Variants in AK9 observed in about 807,000 individuals in gnomAD.
AK9 encodes the protein adenylate kinase domain containing 1.
AK9 carries 191 observed loss-of-function variants against 239.6 expected under a neutral mutation model. That is an observed-to-expected ratio of 0.80 (90% CI 0.71 to 0.90). The LOEUF is 0.90. AK9 is among the 40% of genes least tolerant of loss of function. The probability of loss-of-function intolerance (pLI) is 0.00; values close to 1 mark genes in which losing one functional copy is unlikely to be tolerated. For synonymous variants in AK9, 689 were observed against 721.0 expected, an observed-to-expected ratio of 0.96 and a Z score of 0.71; for missense variants, 1,995 against 2,214.7, an observed-to-expected ratio of 0.90 and a Z score of 1.99.
intron 17 of AK9, among the ~76,000 whole-genome samples, chr6:109,588,110 G>A (rs975931917): frequency 6.7e-6 from 1 of 149,046 alleles, no homozygotes; most frequent in Non-Finnish European, 1.5e-5. Context: ...TCGCTCTGTC[G>A]CCCAGGCTGG....
chr6:109,641,583 T>G lies in AK9; in HGVS notation c.868A>C (p.Lys290Gln). The G allele has an allele frequency of 6.2e-7, 1 of 1,613,638 alleles. No homozygotes were observed. The highest frequency in any genetic ancestry group is 8.5e-7 in the Non-Finnish European group (1 of 1,179,558). The change falls in exon 10 of 41, where the codon AAA (lysine) becomes CAA (glutamine). Residue 290 changes from lysine (K) to glutamine (Q), a missense_variant. Lys to Gln is a moderately conservative substitution (Grantham distance 53, BLOSUM62 1). This residue lies in a region of AK9 where 1,290 missense variants were observed against 1,392.7 expected (regional missense o/e 0.93). Transcript: ENST00000424296. Reference protein sequence around the residue: ...VMDRLKYLNLKRAAILTKLQG... With the variant: ...VMDRLKYLNLQRAAILTKLQG... ...AGTTTGGTTAGAATAGCTGCTCTTT[T>G]TAGGTTCAGATATTTAAGTCGATCC...
intron 24 of AK9, among the ~76,000 whole-genome samples, chr6:109,553,881 A>G (rs1157283296): frequency 2.0e-5 from 3 of 152,264 alleles, no homozygotes; most frequent in Non-Finnish European, 4.4e-5. Flanking sequence ...TTCCATCAAT[A>G]CCTAGTTTAT....
chr6:109,585,135 TCTTC>T lies in AK9; in HGVS notation c.2098_2101del (p.Glu700LysfsTer12). 8.5e-7 allele frequency: 1 copy of T among 1,170,224 alleles called. No individual in the cohort carries two copies. Among genetic ancestry groups the T allele is most frequent in the Non-Finnish European group, 1.1e-6 (1 of 915,174 alleles). The allele number at this position is 1,170,224 out of a possible 1,614,324, so 72.5% of individuals were successfully genotyped here. On this transcript the variant is annotated frameshift_variant, in exon 19 of 41. Coordinates refer to ENST00000424296, the MANE Select transcript of AK9 (RefSeq NM_001145128.3). LOFTEE classifies it high-confidence loss of function. ...AGGCAGATTTTACCTTGCTTCTTCTTCTTCTTTTTTTTTCTTTTGTAGTTCTTCT... is the reference window on the plus strand; with the variant it reads ...AGGCAGATTTTACCTTGCTTCTTCTTTTTTTTTTTCTTTTGTAGTTCTTCT...
intron 35 of AK9, among the ~76,000 whole-genome samples, chr6:109,505,262 C>G (rs780633594): frequency 2.6e-5 from 4 of 152,136 alleles, no homozygotes; most frequent in Non-Finnish European, 5.9e-5. Flanking sequence ...CACATTGCTC[C>G]CATAAACCTC....
At chr6:109,625,874 C>T (rs1203065534) in intron 12 of AK9, among the ~76,000 whole-genome samples, 1 of 151,350 alleles carries the variant, frequency 6.6e-6, no homozygotes, top group Non-Finnish European at 1.5e-5. Context: ...TTGGTTTTTG[C>T]TTGGTTTCTT....
At position 109,533,438 on chromosome 6, in the gene AK9, C is replaced by A; in HGVS notation, c.3383G>T (p.Arg1128Leu). Residue 1128 changes from arginine to leucine, a missense_variant, in exon 28 of 41, where the codon CGA (arginine) becomes CTA (leucine). Arg to Leu is a moderately radical substitution (Grantham distance 102, BLOSUM62 -2). Around this residue, in one of 5 missense-constraint regions of AK9, gnomAD observed 1,290 missense variants for 1,392.7 expected, o/e 0.93. Coordinates refer to ENST00000424296, the MANE Select transcript of AK9 (RefSeq NM_001145128.3). ...STGFILDGFP[R>L]YPEEAQFLGD... ...CAAAAACTGGGCCTCTTCTGGATAT[C>A]GTGGGAAACCATCTAATATAAAACC... is the stretch of plus-strand genomic sequence containing the variant. 6.2e-7 allele frequency: 1 copy of A among 1,602,222 alleles called. No homozygotes were observed. Among genetic ancestry groups the A allele is most frequent in the Non-Finnish European group, 8.5e-7 (1 of 1,176,282 alleles).
In AK9 at chr6:109,551,099, T is replaced by C. The variant is rs530993864; in HGVS notation, c.2752-797A>G. Among the ~76,000 whole-genome samples the C allele has an allele frequency of 5.3e-5, 8 of 152,264 alleles. No individual in the cohort carries two copies. The South Asian group carries it at 1.7e-3, about 32-fold the overall frequency. On this transcript the variant is annotated intron_variant, in intron 24 of 40. Coordinates refer to ENST00000424296, the MANE Select transcript of AK9 (RefSeq NM_001145128.3). ...AGTATTTTTAAAAATACAAAGGGAATACTTTACATACTTATTTACATCATA... is the reference window on the plus strand; with the variant it reads ...AGTATTTTTAAAAATACAAAGGGAACACTTTACATACTTATTTACATCATA...
intron 12 of AK9, among the ~76,000 whole-genome samples, chr6:109,625,417 T>C (rs909139435): frequency 6.6e-6 from 1 of 152,186 alleles, no homozygotes; most frequent in Non-Finnish European, 1.5e-5. Context: ...AATTTTTCTG[T>C]GACTGCTTTA....
intron 20 of AK9, chr6:109,579,294 G>C: frequency 2.7e-6 from 1 of 376,622 alleles, no homozygotes. Context: ...TGCAGAGGGT[G>C]TATGAGTAGG....
chr6:109,559,577 T>C (rs1000126214), intron 24 of AK9, among the ~76,000 whole-genome samples: 1 of 152,246 alleles, frequency 6.6e-6, no homozygotes, highest in Non-Finnish European at 1.5e-5. Flanking sequence ...TCCCTTCATA[T>C]TACATATTCT....
intron 8 of AK9, among the ~76,000 whole-genome samples, chr6:109,654,598 T>TA (rs1799432490): frequency 6.6e-6 from 1 of 152,176 alleles, no homozygotes; most frequent in Admixed American, 6.5e-5. Context: ...CCCAAAGAGC[T>TA]AGGATTACAG....
intron 13 of AK9, 143 bp downstream of exon 13, chr6:109,618,949 C>A (rs894481201): frequency 3.4e-5 from 30 of 886,290 alleles, no homozygotes; most frequent in Non-Finnish European, 4.9e-5. Context: ...TTATGTACAT[C>A]CATTCTTCAA....
chr6:109,679,770 T>C (rs1035845192), intron 1 of AK9, among the ~76,000 whole-genome samples: 1 of 152,132 alleles, frequency 6.6e-6, no homozygotes, highest in African/African-American at 2.4e-5. Flanking sequence ...CAGGCAGCAA[T>C]TTTTGCTGTT....
At chr6:109,656,909 A>G (rs1799769583) in intron 7 of AK9, 25 bp from the exon 8 acceptor site, 1 of 1,610,724 alleles carries the variant, frequency 6.2e-7, no homozygotes, top group Non-Finnish European at 8.5e-7. Context: ...AGAGATTTCA[A>G]ATATCTTTAG....
At chr6:109,496,709 C>T (rs892421987) in intron 38 of AK9, among the ~76,000 whole-genome samples, 1 of 152,136 alleles carries the variant, frequency 6.6e-6, no homozygotes, top group Admixed American at 6.5e-5. Context: ...TGGTCCCAAG[C>T]CCGCTGCCTT....
At chr6:109,597,904 T>C (rs1791278613) in intron 17 of AK9, among the ~76,000 whole-genome samples, 1 of 152,126 alleles carries the variant, frequency 6.6e-6, no homozygotes, top group African/African-American at 2.4e-5. Context: ...CTAAACATTT[T>C]CAATGAACCA....
chr6:109,665,529 C>T (rs887100806), intron 5 of AK9, among the ~76,000 whole-genome samples: 1 of 152,174 alleles, frequency 6.6e-6, no homozygotes, highest in Non-Finnish European at 1.5e-5. Flanking sequence ...CATCTTTGCT[C>T]TTGTGAGTCT....
At chr6:109,612,126 C>T (rs773617649) in intron 15 of AK9, 33 bp from the exon 16 acceptor site, 54 of 1,383,404 alleles carry the variant, frequency 3.9e-5, no homozygotes, top group African/African-American at 2.5e-4. Context: ...GCCTAAAGAA[C>T]GGTATTAAAA....
chr6:109,632,322 T>C, intron 12 of AK9: 1 of 985,542 alleles, frequency 1.0e-6, no homozygotes, highest in Non-Finnish European at 1.2e-6. Flanking sequence ...TAGGCAATCC[T>C]CAAGCCACAT....
Sources: allele counts gnomAD v4.1 joint callset (sites outside exome capture counted in the v4.1 genomes callset), GRCh38; gene constraint gnomAD v4.1.1; regional missense constraint gnomAD v4.1.1; transcripts MANE v1.5; gene names NCBI Gene and HGNC (gene_info 2026-07-23, HGNC 2026-07-21).